The following KAZN variants were observed in gnomAD, a reference collection of about 807,000 sequenced individuals.
KAZN encodes the protein kazrin.
KAZN carries 40 observed loss-of-function variants against 87.4 expected under a neutral mutation model. That is an observed-to-expected ratio of 0.46 (90% CI 0.36 to 0.60). The LOEUF (loss-of-function observed/expected upper bound fraction) is 0.60, where lower values mean the gene tolerates loss of function less well. KAZN is among the 20% of genes least tolerant of loss of function. The pLI is 0.00. For missense variants in KAZN, 898 were observed against 1,073.9 expected (o/e 0.84, Z 2.29); for synonymous variants, 466 against 458.3 (o/e 1.02, Z -0.22).
intron 1 of KAZN, among the ~76,000 whole-genome samples, chr1:13,998,822 A>G (rs1338095582): frequency 6.6e-6 from 1 of 152,196 alleles, no homozygotes; most frequent in Non-Finnish European, 1.5e-5. Context: ...CAGAAAATTA[A>G]CAAGGATATT....
chr1:14,726,461 G>A (rs1210990728), intron 1 of KAZN, among the ~76,000 whole-genome samples: 1 of 152,172 alleles, frequency 6.6e-6, no homozygotes, highest in East Asian at 1.9e-4. Flanking sequence ...CTCTCCCCCA[G>A]GGATCCAGGT....
chr1:14,002,746 G>A (rs972612162), intron 1 of KAZN, among the ~76,000 whole-genome samples: 7 of 152,148 alleles, frequency 4.6e-5, no homozygotes, highest in Admixed American at 1.3e-4. Context: ...ACGCTTTTAC[G>A]CTGTTGGTGG....
intron 2 of KAZN, among the ~76,000 whole-genome samples, chr1:14,238,885 T>C (rs185646769): frequency 2.9e-4 from 44 of 152,368 alleles, no homozygotes; most frequent in African/African-American, 1.0e-3. Context: ...CAATGCATTC[T>C]TAAGTCTGAC....
chr1:14,343,129 A>G (rs890173270), intron 2 of KAZN, among the ~76,000 whole-genome samples: 8 of 152,052 alleles, frequency 5.3e-5, no homozygotes, highest in African/African-American at 1.7e-4. Context: ...CTGGGAGACA[A>G]GAGCAAAACT....
intron 1 of KAZN, among the ~76,000 whole-genome samples, chr1:13,993,562 T>C (rs1480830658): frequency 6.6e-6 from 1 of 152,224 alleles, no homozygotes; most frequent in Non-Finnish European, 1.5e-5. Flanking sequence ...TGAACTGATA[T>C]GTATCAAGTA....
At chr1:14,269,799 G>A (rs1014768762) in intron 2 of KAZN, among the ~76,000 whole-genome samples, 1 of 152,142 alleles carries the variant, frequency 6.6e-6, no homozygotes, top group African/African-American at 2.4e-5. Flanking sequence ...CTGCTGTGGG[G>A]CATTTCTACA....
At chr1:14,617,933 C>G (rs1453353088) in intron 1 of KAZN, among the ~76,000 whole-genome samples, 1 of 152,224 alleles carries the variant, frequency 6.6e-6, no homozygotes, top group Admixed American at 6.5e-5. Context: ...TATCTGCGCT[C>G]ACCTTAAATA....
intron 1 of KAZN, among the ~76,000 whole-genome samples, chr1:14,762,220 G>C (rs1213256903): frequency 6.6e-6 from 1 of 152,194 alleles, no homozygotes; most frequent in Non-Finnish European, 1.5e-5. Context: ...GGTGGTCAGA[G>C]ACATGGCCGC....
In KAZN at chr1:14,071,895, C is replaced by T. The variant is rs560765278; in HGVS notation, c.92-108540C>T. On this transcript the variant is annotated intron_variant, in intron 1 of 16. Transcript: ENST00000636203. ...CTGAGCTGCAAGAATTCTGCTCCTC[C>T]CAACTACAAGGCTTGGAGACCCTCA... Among the ~76,000 whole-genome samples the T allele has an allele frequency of 3.9e-5, 6 of 152,316 alleles. No individual in the cohort carries two copies. In the East Asian group the frequency reaches 1.2e-3, roughly 29 times the overall value.
chr1:14,597,407 G>A (rs1042313731), upstream of KAZN, among the ~76,000 whole-genome samples: 1 of 152,162 alleles, frequency 6.6e-6, no homozygotes, highest in African/African-American at 2.4e-5. Context: ...AGGCGCAGCA[G>A]GAGGAACTTG....
chr1:14,259,513 C>G (rs1650844062), intron 2 of KAZN, among the ~76,000 whole-genome samples: 1 of 152,144 alleles, frequency 6.6e-6, no homozygotes, highest in Admixed American at 6.5e-5. Context: ...TTAGGAACAT[C>G]CCAGCCTCAC....
At chr1:14,129,778 C>T (rs979198672) in intron 1 of KAZN, among the ~76,000 whole-genome samples, 6 of 152,002 alleles carry the variant, frequency 3.9e-5, no homozygotes, top group African/African-American at 7.3e-5. Flanking sequence ...AGTGAGTGAG[C>T]GAGTGAGCGA....
intron 2 of KAZN, among the ~76,000 whole-genome samples, chr1:15,009,841 CG>C (rs1669401928): frequency 6.6e-6 from 1 of 152,160 alleles, no homozygotes; most frequent in Non-Finnish European, 1.5e-5. Flanking sequence ...TCTCACCCTC[CG>C]CTCGTTCCTC....
At chr1:14,685,696 G>A (rs149156904) in intron 1 of KAZN, among the ~76,000 whole-genome samples, 57 of 152,306 alleles carry the variant, frequency 3.7e-4, no homozygotes, top group African/African-American at 1.4e-3. Context: ...GGAGTCAATT[G>A]CTTTGGGAGA....
intron 1 of KAZN, among the ~76,000 whole-genome samples, chr1:14,938,614 AG>A (rs1405507572): frequency 1.3e-5 from 2 of 151,764 alleles, no homozygotes; most frequent in Non-Finnish European, 2.9e-5. Context: ...AGACAAGTCC[AG>A]AGTCCAATAC....
At chr1:14,161,999 A>C (rs55701220) in intron 1 of KAZN, among the ~76,000 whole-genome samples, 26,524 of 152,182 alleles carry the variant, frequency 0.17, 2,892 homozygotes, top group East Asian at 0.33. Context: ...TGGGAAAATG[A>C]AAACCACACA....
chr1:14,780,735 C>A (rs1429195609), intron 1 of KAZN, among the ~76,000 whole-genome samples: 1 of 152,202 alleles, frequency 6.6e-6, no homozygotes, highest in Non-Finnish European at 1.5e-5. Flanking sequence ...ACCATGGACA[C>A]TAACAGGTGA....
intron 1 of KAZN, among the ~76,000 whole-genome samples, chr1:14,872,920 A>G (rs1372509275): frequency 1.5e-5 from 2 of 133,410 alleles, no homozygotes; most frequent in Non-Finnish European, 3.3e-5. Flanking sequence ...GGTTGGGTGG[A>G]TGGATGGATG....
chr1:14,840,383 C>T (rs1429117230), intron 1 of KAZN, among the ~76,000 whole-genome samples: 3 of 152,216 alleles, frequency 2.0e-5, no homozygotes, highest in African/African-American at 7.2e-5. Context: ...TTGGGTGCCC[C>T]TGTCCACCTC....
Sources: gnomAD v4.1 joint callset for allele counts (sites outside exome capture counted in the v4.1 genomes callset) on GRCh38, gnomAD v4.1.1 for gene constraint, MANE v1.5 for transcripts, NCBI Gene and HGNC (gene_info 2026-07-23, HGNC 2026-07-21) for gene names.